The following CALN1 variants were observed in gnomAD, a reference collection of about 807,000 sequenced individuals.
CALN1 encodes the protein calcium-binding protein 8.
In CALN1, 17 loss-of-function variants were observed where a neutral mutation model predicts 30.6. The ratio of observed to expected loss-of-function variants is 0.56; its 90% CI spans 0.38 to 0.83. The LOEUF (loss-of-function observed/expected upper bound fraction) is 0.83, where lower values mean the gene tolerates loss of function less well. Among genes scored for constraint, CALN1 ranks in the 40% least tolerant of loss-of-function variants. The pLI is 0.00. For synonymous variants in CALN1, 156 were observed against 131.4 expected, an observed-to-expected ratio of 1.19 and a Z score of -1.28; for missense variants, 291 against 354.9, an observed-to-expected ratio of 0.82 and a Z score of 1.45.
chr7:72,408,043 G>A (rs1242979134), intron 1 of CALN1, among the ~76,000 whole-genome samples: 4 of 152,158 alleles, frequency 2.6e-5, no homozygotes, highest in Non-Finnish European at 5.9e-5. Flanking sequence ...TTTAGGCGCA[G>A]GCAGGAGCAA....
At chr7:72,499,910 TTTC>T in the CALN1 span, among the ~76,000 whole-genome samples, 8 of 53,246 alleles carry the variant, frequency 1.5e-4, 1 homozygote, top group East Asian at 9.5e-4. Context: ...TCTTTCTTTC[TTTC>T]TATCTTTCTC....
At position 71,781,852 on chromosome 7, in the gene CALN1, G is replaced by C. The variant is rs983422943; in HGVS notation, c.*5923C>G. ...AGGGTAGGGGCAGGTGGCCGGGCAAGCTTTTCCACTTTCAGAGGACTGTCT... is the reference window on the plus strand; with the variant it reads ...AGGGTAGGGGCAGGTGGCCGGGCAACCTTTTCCACTTTCAGAGGACTGTCT... On this transcript the variant is annotated 3_prime_UTR_variant, in exon 7 of 7. Coordinates refer to ENST00000395275, the MANE Select transcript of CALN1 (RefSeq NM_031468.4). 1 of 152,216 alleles carries C rather than the reference G, an allele frequency of 6.6e-6. No individual in the cohort carries two copies. The highest frequency in any genetic ancestry group is 1.5e-5 in the Non-Finnish European group (1 of 68,050). The allele number at this position is 152,216 out of a possible 1,614,324, so 9.4% of individuals were successfully genotyped here. A position where few individuals can be genotyped will look rare whatever the true frequency, so the allele number is the denominator to read the frequency against.
At chr7:71,953,194 G>A (rs7804902) in intron 5 of CALN1, among the ~76,000 whole-genome samples, 1,673 of 152,216 alleles carry the variant, frequency 0.011, 29 homozygotes, top group African/African-American at 0.038. Context: ...CTGGCCTCAA[G>A]CAAGCCTTCC....
At chr7:71,939,673 A>G (rs17426513) in intron 5 of CALN1, among the ~76,000 whole-genome samples, 23,275 of 152,156 alleles carry the variant, frequency 0.15, 2,201 homozygotes, top group Non-Finnish European at 0.23. Context: ...TAATTTGCCT[A>G]AATACACTGC....
chr7:72,278,472 TACACACACAC>T (rs59010102), intron 3 of CALN1, among the ~76,000 whole-genome samples: 43 of 144,076 alleles, frequency 3.0e-4, no homozygotes, highest in East Asian at 1.9e-3. Context: ...ATCAGGTCTG[TACACACACAC>T]ACACACACAC....
chr7:71,833,709 A>T (rs1474219180), intron 5 of CALN1, among the ~76,000 whole-genome samples: 1 of 152,038 alleles, frequency 6.6e-6, no homozygotes, highest in Non-Finnish European at 1.5e-5. Context: ...TTGGGACCAG[A>T]CTGGGTACCA....
At chr7:72,410,624 C>G (rs1366431349) in intron 1 of CALN1, among the ~76,000 whole-genome samples, 1 of 152,216 alleles carries the variant, frequency 6.6e-6, no homozygotes, top group Non-Finnish European at 1.5e-5. Context: ...CCCTTCATGT[C>G]CTGGCTTAAA....
chr7:72,253,007 A>T (rs989334070), intron 3 of CALN1, among the ~76,000 whole-genome samples: 14 of 152,188 alleles, frequency 9.2e-5, no homozygotes, highest in Non-Finnish European at 2.1e-4. Context: ...CATTTTTACA[A>T]GTGGGGAAAC....
the CALN1 span, among the ~76,000 whole-genome samples, chr7:72,499,861 C>CTTTCTTT: frequency 2.0e-5 from 1 of 50,270 alleles, no homozygotes; most frequent in Non-Finnish European, 3.7e-5. Flanking sequence ...TTCTTTCTTT[C>CTTTCTTT]TTTCTTTCTT....
At chr7:72,075,641 G>T (rs1804678716) in intron 4 of CALN1, among the ~76,000 whole-genome samples, 3 of 152,190 alleles carry the variant, frequency 2.0e-5, no homozygotes, top group African/African-American at 7.2e-5. Flanking sequence ...TCTTGGCCTG[G>T]GTGACAATGC....
chr7:72,331,535 A>G (rs1400460318), intron 2 of CALN1, among the ~76,000 whole-genome samples: 2 of 152,164 alleles, frequency 1.3e-5, no homozygotes, highest in African/African-American at 4.8e-5. Context: ...GGTGAGCCCA[A>G]AATTGGGGCT....
At chr7:72,168,805 A>ATTT (rs3030351) in intron 3 of CALN1, among the ~76,000 whole-genome samples, 1,380 of 128,388 alleles carry the variant, frequency 0.011, 19 homozygotes, top group East Asian at 0.031. Flanking sequence ...TATTATTATT[A>ATTT]TTTTTTTTTT....
chr7:72,408,498 G>A (rs1262910960), intron 1 of CALN1, among the ~76,000 whole-genome samples: 1 of 151,806 alleles, frequency 6.6e-6, no homozygotes, highest in South Asian at 2.1e-4. Flanking sequence ...AGACGTGAAG[G>A]TCAGAGAGCG....
In CALN1 at chr7:72,247,437, C is replaced by T. The variant is rs148800077; in HGVS notation, c.244+31249G>A. On this transcript the variant is annotated intron_variant, in intron 3 of 6. Transcript: ENST00000395275. ...TAATTTTTTGTATTTTTAGTAGAGA[C>T]GGGTTTCACCATGTTAGCCAGGATG... Among the ~76,000 whole-genome samples, 403 of 151,162 alleles carry T rather than the reference C, an allele frequency of 2.7e-3. 13 individuals are homozygous for T. In the East Asian group the frequency reaches 0.072, roughly 27 times the overall value.
the CALN1 span, among the ~76,000 whole-genome samples, chr7:72,484,599 C>T: frequency 2.0e-5 from 3 of 152,116 alleles, no homozygotes; most frequent in Non-Finnish European, 2.9e-5. Context: ...AGTTGAGGGT[C>T]GCCCTCTGGT....
the CALN1 span, among the ~76,000 whole-genome samples, chr7:72,501,608 T>C: frequency 6.7e-6 from 1 of 150,250 alleles, no homozygotes; most frequent in African/African-American, 2.4e-5. Context: ...AGTTATGAAT[T>C]GAATGGATTA....
At chr7:72,063,359 C>T (rs539674581) in intron 4 of CALN1, among the ~76,000 whole-genome samples, 1 of 152,326 alleles carries the variant, frequency 6.6e-6, no homozygotes, top group South Asian at 2.1e-4. Flanking sequence ...AATGGTATGA[C>T]ATGCAATGCC....
At chr7:72,270,153 T>C (rs1261815460) in intron 3 of CALN1, among the ~76,000 whole-genome samples, 1 of 151,590 alleles carries the variant, frequency 6.6e-6, no homozygotes, top group African/African-American at 2.4e-5. Context: ...AAACCCTAAA[T>C]GCTGAAAAAT....
At chr7:71,797,291 C>T (rs1009358119) in intron 6 of CALN1, among the ~76,000 whole-genome samples, 21 of 152,156 alleles carry the variant, frequency 1.4e-4, no homozygotes, top group Non-Finnish European at 1.3e-4. Flanking sequence ...AAAACAGTAG[C>T]AGTCTCAACT....
Sources: allele counts gnomAD v4.1 joint callset (sites outside exome capture counted in the v4.1 genomes callset), GRCh38; gene constraint gnomAD v4.1.1; transcripts MANE v1.5; gene names NCBI Gene and HGNC (gene_info 2026-07-23, HGNC 2026-07-21).